Variants in SHISAL2B observed in about 807,000 individuals in gnomAD.
SHISAL2B encodes shisa like 2B.
SHISAL2B carries 12 observed loss-of-function variants against 16.5 expected under a neutral mutation model. That is an observed-to-expected ratio of 0.73 (90% CI 0.47 to 1.18). The LOEUF (loss-of-function observed/expected upper bound fraction) is 1.18, where lower values mean the gene tolerates loss of function less well. Among genes scored for constraint, SHISAL2B ranks in the 50% most tolerant of loss-of-function variants. The pLI, the probability that SHISAL2B is intolerant of heterozygous loss-of-function variation, is 0.00. For synonymous variants in SHISAL2B, 72 were observed against 75.0 expected, an observed-to-expected ratio of 0.96 and a Z score of 0.21; for missense variants, 183 against 193.6, an observed-to-expected ratio of 0.95 and a Z score of 0.33.
intron 2 of SHISAL2B, among the ~76,000 whole-genome samples, chr5:64,714,385 C>T (rs1580528396): frequency 1.4e-5 from 2 of 148,008 alleles, no homozygotes; most frequent in East Asian, 4.0e-4. Context: ...CTTGAGGAGG[C>T]AGTCTGCCTG....
chr5:64,700,769 C>G (rs1276675697), intron 2 of SHISAL2B, among the ~76,000 whole-genome samples: 1 of 152,116 alleles, frequency 6.6e-6, no homozygotes, highest in Admixed American at 6.5e-5. Flanking sequence ...GGGACCAGTT[C>G]CATAGAAGAT....
intron 2 of SHISAL2B, among the ~76,000 whole-genome samples, chr5:64,707,422 G>T (rs544419993): frequency 1.3e-5 from 2 of 152,098 alleles, no homozygotes; most frequent in African/African-American, 4.8e-5. Context: ...TACGGGGACC[G>T]TGAGGACATG....
At chr5:64,717,258 C>G (rs918716241) in intron 2 of SHISAL2B, among the ~76,000 whole-genome samples, 5 of 152,140 alleles carry the variant, frequency 3.3e-5, no homozygotes, top group Non-Finnish European at 7.4e-5. Flanking sequence ...CTGTTCTTTA[C>G]GTATTTATGT....
chr5:64,712,785 ATTATG>A (rs1741978033), intron 2 of SHISAL2B, among the ~76,000 whole-genome samples: 1 of 152,014 alleles, frequency 6.6e-6, no homozygotes, highest in South Asian at 2.1e-4. Flanking sequence ...TCCCTTTACC[ATTATG>A]TAATGGCCTT....
intron 2 of SHISAL2B, among the ~76,000 whole-genome samples, chr5:64,715,963 G>A (rs918916069): frequency 2.0e-5 from 3 of 152,112 alleles, no homozygotes; most frequent in Non-Finnish European, 4.4e-5. Context: ...GGAATTTCTT[G>A]TTAAAGCGGA....
chr5:64,717,995 TG>T lies in SHISAL2B; in HGVS notation c.457del (p.Ala153GlnfsTer10). On this transcript the variant is annotated frameshift_variant, in exon 3 of 3. Coordinates refer to ENST00000389074, the MANE Select transcript of SHISAL2B (RefSeq NM_001164442.2). LOFTEE classifies it high-confidence loss of function. ...DDIIQEKTMD[A>X]TQIHIAY ...ATATAATTCAAGAAAAAACAATGGA[TG>T]CAACACAAATCCACATTGCTTATTA... 6.6e-7 allele frequency: 1 copy of T among 1,518,878 alleles called. No homozygotes were observed. Among genetic ancestry groups the T allele is most frequent in the Non-Finnish European group, 8.7e-7 (1 of 1,142,986 alleles). The allele number at this position is 1,518,878 out of a possible 1,614,324, so 94.1% of individuals were successfully genotyped here. A position where few individuals can be genotyped will look rare whatever the true frequency, so the allele number is the denominator to read the frequency against.
intron 2 of SHISAL2B, among the ~76,000 whole-genome samples, chr5:64,715,146 T>C (rs937011672): frequency 6.6e-6 from 1 of 152,194 alleles, no homozygotes; most frequent in Non-Finnish European, 1.5e-5. Flanking sequence ...AGGGATGTCC[T>C]GATTGATACT....
Position 64,700,527 on chromosome 5 carries a change from C to T in SHISAL2B, c.349+4863C>T, listed in dbSNP as rs142253658. On this transcript the variant is annotated intron_variant, in intron 2 of 2. Transcript: ENST00000389074. The stretch of plus-strand genomic sequence containing the variant: ...CCTGTTTCAAGCCATTCTCCCACCT[C>T]AGCCTCCCGAGTAGCTGAGACTACA... Among the ~76,000 whole-genome samples, 1,147 of 152,302 alleles carry T rather than the reference C, an allele frequency of 7.5e-3. 13 individuals carry two copies. Among genetic ancestry groups the T allele is most frequent in the Non-Finnish European group, 0.01 (686 of 68,022 alleles).
chr5:64,701,156 GA>G lies in SHISAL2B; in HGVS notation c.349+5499del, dbSNP rs970530908. 1.1e-4 allele frequency among the ~76,000 whole-genome samples: 17 copies of G among 152,066 alleles called. No homozygotes were observed. In the East Asian group the frequency reaches 3.1e-3, roughly 28 times the overall value. Reference sequence around the variant, plus strand: ...TGTGTTGTTTAGGGAGTAATTACAAGAAAAAAAGTCTGTACATGTTCATTAC... The same window carrying G: ...TGTGTTGTTTAGGGAGTAATTACAAGAAAAAAGTCTGTACATGTTCATTAC... On this transcript the variant is annotated intron_variant, in intron 2 of 2. Transcript: ENST00000389074.
rs1007721159 is a variant in SHISAL2B at position 64,694,091 on chromosome 5, A to C, written c.192-1416A>C. 6 of 455,806 alleles carry C rather than the reference A, an allele frequency of 1.3e-5. No homozygotes were observed. In the Admixed American group the frequency reaches 1.4e-4, roughly 11 times the overall value. 28.2% of individuals were successfully genotyped at this position (455,806 alleles called of 1,614,324 possible). On this transcript the variant is annotated intron_variant, in intron 1 of 2. Coordinates refer to ENST00000389074, the MANE Select transcript of SHISAL2B (RefSeq NM_001164442.2). ...CTTCCCTCCCTTTTGGTACAGGTCAAACTTGTCAGTGTCCTAATCCCAGAG... is the reference window on the plus strand; with the variant it reads ...CTTCCCTCCCTTTTGGTACAGGTCACACTTGTCAGTGTCCTAATCCCAGAG...
chr5:64,714,783 G>C (rs1252094998), intron 2 of SHISAL2B, among the ~76,000 whole-genome samples: 1 of 152,108 alleles, frequency 6.6e-6, no homozygotes, highest in Non-Finnish European at 1.5e-5. Context: ...CGCAATATTC[G>C]GGTGGGAGTG....
At chr5:64,699,503 G>A (rs1741780440) in intron 2 of SHISAL2B, among the ~76,000 whole-genome samples, 1 of 152,140 alleles carries the variant, frequency 6.6e-6, no homozygotes, top group Non-Finnish European at 1.5e-5. Flanking sequence ...CAAGTCTGTG[G>A]CTTTATTGCA....
chr5:64,714,875 G>A (rs1364919941), intron 2 of SHISAL2B, among the ~76,000 whole-genome samples: 1 of 152,174 alleles, frequency 6.6e-6, no homozygotes, highest in Non-Finnish European at 1.5e-5. Flanking sequence ...TCCCAGGTGA[G>A]GCAATGCCTC....
Position 64,690,738 on chromosome 5 carries a change from T to A in SHISAL2B, c.115T>A (p.Phe39Ile). The A allele has an allele frequency of 6.5e-7, 1 of 1,539,332 alleles. No homozygotes were observed. The change falls in exon 1 of 3, where the codon TTC becomes ATC. Residue 39 changes from phenylalanine to isoleucine, a missense_variant. Physicochemically the swap from Phe to Ile is conservative, Grantham distance 21. Transcript: ENST00000389074. ...GGCAGCGCTCCAGTATTGCTGCGGC[T>A]TCGCCGACCTCAAGTACTGCTGCAG... The part of the protein sequence containing the change: ...EGAALQYCCG[F>I]ADLKYCCSEP...
chr5:64,717,582 TTTG>T (rs1251040345), intron 2 of SHISAL2B, among the ~76,000 whole-genome samples: 1 of 152,182 alleles, frequency 6.6e-6, no homozygotes, highest in African/African-American at 2.4e-5. Flanking sequence ...CAGTCACACT[TTTG>T]TTAAGTCACT....
chr5:64,695,977 AT>A (rs1157046862), intron 2 of SHISAL2B, among the ~76,000 whole-genome samples: 1 of 152,192 alleles, frequency 6.6e-6, no homozygotes, highest in Non-Finnish European at 1.5e-5. Flanking sequence ...TAAAATTTTG[AT>A]TTTGGATGGA....
Position 64,718,111 on chromosome 5 carries a change from C to T in SHISAL2B, c.*89C>T, listed in dbSNP as rs1242863912. Reference sequence around the variant, plus strand: ...TGAAACGGTTTGTAATATTGCTTTTCAAAAATTCGTCACTCACAAAGCAAG... The same window carrying T: ...TGAAACGGTTTGTAATATTGCTTTTTAAAAATTCGTCACTCACAAAGCAAG... On this transcript the variant is annotated 3_prime_UTR_variant, in exon 3 of 3. Coordinates refer to ENST00000389074, the MANE Select transcript of SHISAL2B (RefSeq NM_001164442.2). 3.3e-6 allele frequency: 4 copies of T among 1,194,514 alleles called. No homozygotes were observed. Among genetic ancestry groups the T allele is most frequent in the South Asian group, 2.0e-5 (1 of 49,408 alleles). The allele number at this position is 1,194,514 out of a possible 1,614,324, so 74.0% of individuals were successfully genotyped here.
intron 2 of SHISAL2B, among the ~76,000 whole-genome samples, chr5:64,717,174 A>G (rs773298801): frequency 6.6e-6 from 1 of 152,214 alleles, no homozygotes; most frequent in South Asian, 2.1e-4. Flanking sequence ...CTAAGAAATC[A>G]AAGAAGATGA....
intron 1 of SHISAL2B, 125 bp downstream of exon 1, chr5:64,690,939 T>A: frequency 1.2e-6 from 1 of 800,818 alleles, no homozygotes; most frequent in African/African-American, 1.8e-5. Context: ...GTTAGGTCCC[T>A]ACGGAAGGAC....
Sources: gnomAD v4.1 joint callset for allele counts (sites outside exome capture counted in the v4.1 genomes callset) on GRCh38, gnomAD v4.1.1 for gene constraint, MANE v1.5 for transcripts, NCBI Gene and HGNC (gene_info 2026-07-23, HGNC 2026-07-21) for gene names.